The following MORC1 variants were observed in gnomAD, a reference collection of about 807,000 sequenced individuals.
MORC1 encodes the protein MORC family CW-type zinc finger protein 1.
MORC1 carries 59 observed loss-of-function variants against 134.9 expected under a neutral mutation model. That is an observed-to-expected ratio of 0.44 (90% CI 0.35 to 0.54). MORC1 has a LOEUF of 0.54. Among genes scored for constraint, MORC1 ranks in the 20% least tolerant of loss-of-function variants. MORC1 has a pLI of 0.00. For synonymous variants in MORC1, 395 were observed against 391.7 expected (o/e 1.01, Z -0.10); for missense variants, 947 against 1,134.5 (o/e 0.83, Z 2.37).
intron 8 of MORC1, among the ~76,000 whole-genome samples, chr3:109,080,002 T>C (rs1292566460): frequency 6.6e-6 from 1 of 152,206 alleles, no homozygotes; most frequent in African/African-American, 2.4e-5. Flanking sequence ...ACTTTTCATG[T>C]CATAAATCAC....
chr3:109,111,056 A>AAAAAC (rs1951157471), intron 2 of MORC1, among the ~76,000 whole-genome samples: 2 of 148,966 alleles, frequency 1.3e-5, no homozygotes, highest in Non-Finnish European at 1.5e-5. Flanking sequence ...AATTTAAAAA[A>AAAAAC]AAAAAAAAAA....
Position 108,958,938 on chromosome 3 carries a change from T to A in MORC1, c.*27A>T. ...AATCTTCCAATTTTCTTATTAGCAT[T>A]TTTTAAAAGGTAATACCATCTCTGA... is the stretch of plus-strand genomic sequence containing the variant. On this transcript the variant is annotated 3_prime_UTR_variant, in exon 28 of 28. Transcript: ENST00000232603. The A allele has an allele frequency of 7.1e-7, 1 of 1,404,342 alleles. No individual in the cohort carries two copies. Among genetic ancestry groups the A allele is most frequent in the Admixed American group, 2.9e-5 (1 of 34,900 alleles). The allele number at this position is 1,404,342 out of a possible 1,614,324, so 87.0% of individuals were successfully genotyped here.
rs72433903 is a variant in MORC1 at position 109,009,207 on chromosome 3, G to GT, written c.1705-2117dup. ...CTTTCCTATTTTTACGTTTTTTGTT[G>GT]TTTTTTTTTTTTTTTTTGAGACAGA... On this transcript the variant is annotated intron_variant, in intron 17 of 27. Coordinates refer to ENST00000232603, the MANE Select transcript of MORC1 (RefSeq NM_014429.4). Among the ~76,000 whole-genome samples, 856 of 118,796 alleles carry GT rather than the reference G, an allele frequency of 7.2e-3. 17 individuals carry two copies. Among genetic ancestry groups the GT allele is most frequent in the East Asian group, 0.054 (248 of 4,552 alleles). 77.9% of individuals were successfully genotyped at this position (118,796 alleles called of 152,430 possible).
At chr3:109,046,889 A>G (rs143656390) in intron 14 of MORC1, among the ~76,000 whole-genome samples, 1 of 152,294 alleles carries the variant, frequency 6.6e-6, no homozygotes, top group Admixed American at 6.5e-5. Flanking sequence ...TCCCATATAC[A>G]GTACTTTTTT....
At chr3:109,003,664 T>C (rs1559885610) in intron 20 of MORC1, among the ~76,000 whole-genome samples, 1 of 152,076 alleles carries the variant, frequency 6.6e-6, no homozygotes, top group Admixed American at 6.5e-5. Context: ...ACAGCAAGGG[T>C]TGAATATCTG....
At chr3:108,996,616 C>T (rs1948237161) in intron 21 of MORC1, among the ~76,000 whole-genome samples, 1 of 152,170 alleles carries the variant, frequency 6.6e-6, no homozygotes, top group African/African-American at 2.4e-5. Flanking sequence ...TCTACAGCTC[C>T]AAATGATGTG....
rs150302344 is a variant in MORC1 at position 108,989,812 on chromosome 3, A to T, written c.2188-2863T>A. ...TTCAGTCAGTAATTTATTCACTAAC[A>T]TTGGGTTTCTAGTGTGGGCCAGATA... On this transcript the variant is annotated intron_variant, in intron 21 of 27. Coordinates refer to ENST00000232603, the MANE Select transcript of MORC1 (RefSeq NM_014429.4). Among the ~76,000 whole-genome samples the T allele has an allele frequency of 2.8e-4, 43 of 152,230 alleles. 1 individual carries two copies. The East Asian group carries it at 4.6e-3, about 16-fold the overall frequency.
intron 21 of MORC1, among the ~76,000 whole-genome samples, chr3:108,992,027 T>C (rs1218376808): frequency 6.6e-6 from 1 of 152,200 alleles, no homozygotes; most frequent in Non-Finnish European, 1.5e-5. Flanking sequence ...TATCCCAATC[T>C]GATTAATTTT....
rs544285638 is a variant in MORC1, at chr3:108,993,608, C to T, written c.2188-6659G>A. ...CATCAACCAGGAATGGTAGCATCAT[C>T]AAAGCTGATGAGAAATCACCCGCTT... On this transcript the variant is annotated intron_variant, in intron 21 of 27. Coordinates refer to ENST00000232603, the MANE Select transcript of MORC1 (RefSeq NM_014429.4). Among the ~76,000 whole-genome samples the T allele has an allele frequency of 1.3e-4, 20 of 152,244 alleles. No homozygotes were observed. In the East Asian group the frequency reaches 3.9e-3, roughly 29 times the overall value.
intron 16 of MORC1, among the ~76,000 whole-genome samples, chr3:109,028,552 G>C (rs1242432632): frequency 2.6e-5 from 4 of 152,212 alleles, no homozygotes; most frequent in African/African-American, 9.6e-5. Flanking sequence ...TAATAATGTA[G>C]GATGATTTGT....
chr3:109,029,009 A>C (rs1222533691), intron 16 of MORC1, among the ~76,000 whole-genome samples: 2 of 152,128 alleles, frequency 1.3e-5, no homozygotes, highest in Non-Finnish European at 2.9e-5. Flanking sequence ...AGGGAGGAGG[A>C]GGCTGAGGAT....
intron 8 of MORC1, among the ~76,000 whole-genome samples, chr3:109,085,144 C>CTG (rs566293549): frequency 6.6e-6 from 1 of 151,074 alleles, no homozygotes; most frequent in East Asian, 1.9e-4. Context: ...GTGTATGTGT[C>CTG]TGTGTGTGTG....
chr3:108,991,236 T>C (rs1422908753), intron 21 of MORC1, among the ~76,000 whole-genome samples: 3 of 152,222 alleles, frequency 2.0e-5, no homozygotes, highest in South Asian at 4.1e-4. Flanking sequence ...CTCAGATTTT[T>C]ACACTGTAGA....
intron 24 of MORC1, among the ~76,000 whole-genome samples, chr3:108,972,588 A>T (rs3804720): frequency 0.21 from 31,357 of 152,110 alleles, 3,586 homozygotes; most frequent in Middle Eastern, 0.33. Context: ...AACAGGATTT[A>T]AAAAAGGTGG....
At chr3:109,084,538 A>G (rs553974713) in intron 8 of MORC1, among the ~76,000 whole-genome samples, 2 of 152,298 alleles carry the variant, frequency 1.3e-5, no homozygotes, top group Admixed American at 1.3e-4. Context: ...TTCCTCACTC[A>G]TGAATTGGAA....
chr3:109,093,323 T>C (rs1481160124), intron 8 of MORC1, 113 bp downstream of exon 8: 1 of 716,870 alleles, frequency 1.4e-6, no homozygotes, highest in Non-Finnish European at 2.3e-6. Context: ...TAGGGTAAGA[T>C]GAATTGTCCC....
intron 6 of MORC1, 59 bp from the exon 7 acceptor site, chr3:109,095,127 G>T (rs1950805406): frequency 2.7e-6 from 4 of 1,460,098 alleles, no homozygotes. Context: ...TTATTCTTTT[G>T]TCTTATCTAT....
rs537257535 is a variant in MORC1 at position 109,075,511 on chromosome 3, G to A, written c.690-5754C>T. Among the ~76,000 whole-genome samples, 249 of 152,148 alleles carry A rather than the reference G, an allele frequency of 1.6e-3. 3 individuals carry two copies. Among genetic ancestry groups the A allele is most frequent in the South Asian group, 0.01 (50 of 4,816 alleles). On this transcript the variant is annotated intron_variant, in intron 8 of 27. Transcript: ENST00000232603. ...GAAAGGGGTCCAGTTTCAGTTTTCC[G>A]CATATGGCTAGCCAATTTTCCCAAC...
chr3:109,116,566 T>C (rs549150317), intron 1 of MORC1, among the ~76,000 whole-genome samples: 1 of 151,658 alleles, frequency 6.6e-6, no homozygotes, highest in African/African-American at 2.4e-5. Flanking sequence ...AGCTCAGGAG[T>C]TCAAGGCCAG....
Sources: allele counts gnomAD v4.1 joint callset (sites outside exome capture counted in the v4.1 genomes callset), GRCh38; gene constraint gnomAD v4.1.1; transcripts MANE v1.5; gene names NCBI Gene and HGNC (gene_info 2026-07-23, HGNC 2026-07-21).